Variants in GAB4 observed in about 807,000 individuals in gnomAD.
GAB4 encodes the protein GRB2 associated binding protein family member 4.
A neutral mutation model predicts 51.3 loss-of-function variants in GAB4; 26 were observed. The observed-to-expected ratio is 0.51, with a 90% CI of 0.37 to 0.70. GAB4 has a LOEUF of 0.70. Among genes scored for constraint, GAB4 ranks in the 30% least tolerant of loss-of-function variants. The pLI, the probability that GAB4 is intolerant of heterozygous loss-of-function variation, is 0.00. For missense variants in GAB4, 759 were observed against 734.6 expected, an observed-to-expected ratio of 1.03 and a Z score of -0.38; for synonymous variants, 329 against 291.2, an observed-to-expected ratio of 1.13 and a Z score of -1.32.
chr22:16,981,837 C>T, intron 3 of GAB4, among the ~76,000 whole-genome samples: 1 of 152,040 alleles, frequency 6.6e-6, no homozygotes, highest in East Asian at 1.9e-4. Flanking sequence ...ATGTTTATAA[C>T]AATATATTAT....
rs745985179 is a variant in GAB4 at position 16,991,857 on chromosome 22, G to A, written c.478+16C>T. On this transcript the variant is annotated intron_variant, in intron 2 of 9. Coordinates refer to ENST00000400588, the MANE Select transcript of GAB4 (RefSeq NM_001037814.1). ...TCTCAGCCCCTCCTGAGACAGGGCT[G>A]TGTGTGCTCCCATACCTGTGCTTTC... is the stretch of plus-strand genomic sequence containing the variant. The A allele has an allele frequency of 6.3e-7, 1 of 1,597,416 alleles. No individual in the cohort carries two copies. The highest frequency in any genetic ancestry group is 2.2e-5 in the East Asian group (1 of 44,722).
Position 16,996,617 on chromosome 22 carries a change from GA to G in GAB4, c.175-4442del, listed in dbSNP as rs1371286299. On this transcript the variant is annotated intron_variant, in intron 1 of 9. Transcript: ENST00000400588. ...CAGACTAAGAGCAGATCTCTCTGCA[GA>G]AACCTTACAAGCCAAAAGAGAGTGA... Among the ~76,000 whole-genome samples, 4 of 152,146 alleles carry G rather than the reference GA, an allele frequency of 2.6e-5. 1 individual carries two copies. The highest frequency in any genetic ancestry group is 9.7e-5 in the African/African-American group (4 of 41,446).
chr22:16,984,105 C>CA (rs1405312668), intron 3 of GAB4, among the ~76,000 whole-genome samples: 1 of 152,026 alleles, frequency 6.6e-6, no homozygotes, highest in Middle Eastern at 3.4e-3. Flanking sequence ...ACTCAATGGA[C>CA]AAAAAAATCA....
chr22:16,975,901 C>T (rs1330118659), intron 3 of GAB4, among the ~76,000 whole-genome samples: 1 of 152,136 alleles, frequency 6.6e-6, no homozygotes, highest in East Asian at 1.9e-4. Context: ...TGGAGTGGAC[C>T]TCCAGCAAAC....
chr22:16,989,158 A>G (rs1248089059), intron 2 of GAB4, among the ~76,000 whole-genome samples: 2 of 152,254 alleles, frequency 1.3e-5, no homozygotes. Flanking sequence ...GTGTTTGCAG[A>G]ATAAATAAAA....
chr22:17,001,324 T>A (rs947490797), intron 1 of GAB4, among the ~76,000 whole-genome samples: 1 of 152,126 alleles, frequency 6.6e-6, no homozygotes, highest in African/African-American at 2.4e-5. Flanking sequence ...GTTTCTTGGA[T>A]GCTTTGTTTG....
chr22:17,005,366 G>A (rs2061032001), intron 1 of GAB4, among the ~76,000 whole-genome samples: 1 of 152,126 alleles, frequency 6.6e-6, no homozygotes, highest in African/African-American at 2.4e-5. Context: ...ACAAACAAAT[G>A]GAAGAACATT....
intron 9 of GAB4, 110 bp downstream of exon 9, chr22:16,963,615 T>A (rs2060646916): frequency 1.3e-6 from 1 of 747,136 alleles, no homozygotes; most frequent in East Asian, 2.7e-5. Context: ...GGCACTGGGC[T>A]GGGAGTGGCA....
At chr22:16,965,472 G>A (rs1455440942) in intron 6 of GAB4, among the ~76,000 whole-genome samples, 3 of 152,266 alleles carry the variant, frequency 2.0e-5, no homozygotes, top group Non-Finnish European at 2.9e-5. Flanking sequence ...ATTCCAGATC[G>A]TATGCTCCTC....
intron 3 of GAB4, among the ~76,000 whole-genome samples, chr22:16,982,611 T>A (rs911296626): frequency 6.6e-6 from 1 of 152,154 alleles, no homozygotes; most frequent in Non-Finnish European, 1.5e-5. Flanking sequence ...TCAATGCCTA[T>A]CAAAATACAT....
At chr22:16,993,858 C>T (rs1289090316) in intron 1 of GAB4, among the ~76,000 whole-genome samples, 1 of 152,188 alleles carries the variant, frequency 6.6e-6, no homozygotes, top group Non-Finnish European at 1.5e-5. Context: ...AGAATCTGCA[C>T]CTGATCCGCC....
At chr22:16,963,321 G>A (rs1353124918) in intron 9 of GAB4, among the ~76,000 whole-genome samples, 1 of 152,200 alleles carries the variant, frequency 6.6e-6, no homozygotes, top group Non-Finnish European at 1.5e-5. Context: ...TTTCTCGGGA[G>A]GCTTTCCTGG....
chr22:16,982,944 C>T (rs2060838790), intron 3 of GAB4, among the ~76,000 whole-genome samples: 2 of 152,164 alleles, frequency 1.3e-5, no homozygotes, highest in Admixed American at 6.5e-5. Flanking sequence ...TAAAACCCCT[C>T]GTGGCGTGGA....
intron 1 of GAB4, among the ~76,000 whole-genome samples, chr22:17,002,635 C>G (rs2061006657): frequency 6.6e-6 from 1 of 151,830 alleles, no homozygotes; most frequent in Non-Finnish European, 1.5e-5. Flanking sequence ...ACAATGAGAA[C>G]ACATGGTCAC....
chr22:17,003,829 AG>A (rs1240741879), intron 1 of GAB4, among the ~76,000 whole-genome samples: 2 of 152,200 alleles, frequency 1.3e-5, no homozygotes, highest in South Asian at 2.1e-4. Context: ...AGATCAGAGC[AG>A]AGCTAAAGGA....
In GAB4 at chr22:16,971,686, C is replaced by T. The variant is rs371807481; in HGVS notation, c.687-1493G>A. 1.2e-4 allele frequency among the ~76,000 whole-genome samples: 19 copies of T among 152,322 alleles called. No homozygotes were observed. In the East Asian group the frequency reaches 3.1e-3, roughly 25 times the overall value. ...TCTCACACACATGCACATTTGCATG[C>T]GGTTTCTAGGGGTCACAGCCCTCTG... On this transcript the variant is annotated intron_variant, in intron 3 of 9. Coordinates refer to ENST00000400588, the MANE Select transcript of GAB4 (RefSeq NM_001037814.1).
At chr22:17,000,154 G>A (rs898449086) in intron 1 of GAB4, among the ~76,000 whole-genome samples, 2 of 152,162 alleles carry the variant, frequency 1.3e-5, no homozygotes, top group South Asian at 4.1e-4. Flanking sequence ...ATGTCTATTA[G>A]GTCTGCTTGG....
intron 1 of GAB4, among the ~76,000 whole-genome samples, chr22:17,000,046 G>A (rs1220405114): frequency 6.6e-6 from 1 of 152,194 alleles, no homozygotes; most frequent in Non-Finnish European, 1.5e-5. Flanking sequence ...TGGCTGAGGA[G>A]TGCTTTACTT....
chr22:16,976,927 G>GT (rs1319612546), intron 3 of GAB4, among the ~76,000 whole-genome samples: 1 of 152,096 alleles, frequency 6.6e-6, no homozygotes, highest in East Asian at 1.9e-4. Context: ...ACAAAGCTTC[G>GT]TAAGTGAAGG....
Sources: allele counts gnomAD v4.1 joint callset (sites outside exome capture counted in the v4.1 genomes callset), GRCh38; gene constraint gnomAD v4.1.1; transcripts MANE v1.5; gene names NCBI Gene and HGNC (gene_info 2026-07-23, HGNC 2026-07-21).